The following LARGE1 variants were observed in gnomAD, a reference collection of about 807,000 sequenced individuals.
The protein encoded by LARGE1 is xylosyl- and glucuronyltransferase LARGE1.
Under a neutral mutation model 87.6 loss-of-function variants are expected in LARGE1, and 43 were observed. The observed-to-expected ratio is 0.49, with a 90% CI of 0.38 to 0.63. The LOEUF (loss-of-function observed/expected upper bound fraction) is 0.63, where lower values mean the gene tolerates loss of function less well. Among genes scored for constraint, LARGE1 ranks in the 30% least tolerant of loss-of-function variants. The probability of loss-of-function intolerance (pLI) is 0.00; values close to 1 mark genes in which losing one functional copy is unlikely to be tolerated. For missense variants in LARGE1, 802 were observed against 1,000.2 expected (o/e 0.80, Z 2.67); for synonymous variants, 434 against 394.6 (o/e 1.10, Z -1.18).
intron 11 of LARGE1, among the ~76,000 whole-genome samples, chr22:33,217,262 C>T (rs1357792084): frequency 6.6e-6 from 1 of 150,896 alleles, no homozygotes; most frequent in Non-Finnish European, 1.5e-5. Flanking sequence ...AAATAACGAG[C>T]AGTAGTTCTC....
intron 1 of LARGE1, among the ~76,000 whole-genome samples, chr22:33,807,945 G>A (rs1324621764): frequency 2.0e-5 from 3 of 152,212 alleles, no homozygotes; most frequent in African/African-American, 7.2e-5. Flanking sequence ...TGGCAATCAT[G>A]AATAAAGTTG....
chr22:33,211,254 T>C (rs1924946797), intron 11 of LARGE1, among the ~76,000 whole-genome samples: 1 of 152,140 alleles, frequency 6.6e-6, no homozygotes, highest in Non-Finnish European at 1.5e-5. Context: ...TGAGACACAA[T>C]AGTATTGAAA....
chr22:33,466,893 A>G (rs997184813), intron 6 of LARGE1, among the ~76,000 whole-genome samples: 2 of 152,100 alleles, frequency 1.3e-5, no homozygotes, highest in Non-Finnish European at 2.9e-5. Flanking sequence ...AAAAAAAATT[A>G]GCTGAGCGTG....
At chr22:33,616,122 C>T (rs1486647563) in intron 4 of LARGE1, among the ~76,000 whole-genome samples, 2 of 152,042 alleles carry the variant, frequency 1.3e-5, no homozygotes, top group Admixed American at 6.6e-5. Context: ...AAAAATTAAG[C>T]ATAAAAATAA....
intron 2 of LARGE1, among the ~76,000 whole-genome samples, chr22:33,730,979 A>G (rs239326): frequency 1 from 150,930 of 150,930 alleles, 75,465 homozygotes; most frequent in Non-Finnish European, 1. Context: ...ACAGGCGTGA[A>G]CCACTGCGCC....
intron 2 of LARGE1, among the ~76,000 whole-genome samples, chr22:33,655,169 T>G (rs969054183): frequency 4.6e-5 from 7 of 152,120 alleles, no homozygotes; most frequent in Middle Eastern, 3.4e-3. Flanking sequence ...TTTTGGGTGT[T>G]TTTTTTTAAA....
intron 2 of LARGE1, among the ~76,000 whole-genome samples, chr22:33,727,885 T>C (rs911279296): frequency 6.6e-6 from 1 of 151,984 alleles, no homozygotes; most frequent in Admixed American, 6.6e-5. Context: ...CAGGTGAGAT[T>C]TGAGCAGAGC....
chr22:33,825,963 C>T (rs867476321), intron 1 of LARGE1, among the ~76,000 whole-genome samples: 1 of 152,138 alleles, frequency 6.6e-6, no homozygotes, highest in African/African-American at 2.4e-5. Flanking sequence ...CTGGGGAGGG[C>T]AGTGCTGAAG....
chr22:33,239,095 C>A (rs1156969433), intron 11 of LARGE1, among the ~76,000 whole-genome samples: 1 of 144,064 alleles, frequency 6.9e-6, no homozygotes, highest in Admixed American at 6.8e-5. Context: ...CAAAAATTAA[C>A]CTTATTAGGA....
chr22:33,623,090 A>G (rs2079806383), intron 4 of LARGE1, among the ~76,000 whole-genome samples: 1 of 151,918 alleles, frequency 6.6e-6, no homozygotes, highest in Non-Finnish European at 1.5e-5. Flanking sequence ...GAAATAGCGT[A>G]ATTGAATACC....
At chr22:33,199,342 G>A (rs1839068883) in intron 11 of LARGE1, among the ~76,000 whole-genome samples, 1 of 151,874 alleles carries the variant, frequency 6.6e-6, no homozygotes, top group South Asian at 2.1e-4. Flanking sequence ...ATTTTGCTAT[G>A]CAGAAGATTT....
the LARGE1 span, among the ~76,000 whole-genome samples, chr22:33,097,445 C>T: frequency 6.4e-4 from 97 of 152,214 alleles, no homozygotes; most frequent in Middle Eastern, 3.4e-3. Flanking sequence ...TATAAACAGC[C>T]GTAAGGTGCA....
At chr22:33,294,356 AAAT>A (rs1302955941) in intron 12 of LARGE1, among the ~76,000 whole-genome samples, 11 of 152,324 alleles carry the variant, frequency 7.2e-5, no homozygotes, top group African/African-American at 2.4e-4. Flanking sequence ...CTGCAGCATC[AAAT>A]GTCAGAGAGC....
chr22:33,175,505 C>A (rs1473086561), intron 11 of LARGE1, among the ~76,000 whole-genome samples: 1 of 152,082 alleles, frequency 6.6e-6, no homozygotes, highest in Non-Finnish European at 1.5e-5. Context: ...TTCCTATACA[C>A]CAATAGCAGA....
the LARGE1 span, among the ~76,000 whole-genome samples, chr22:33,098,804 T>A: frequency 2.0e-5 from 3 of 152,118 alleles, no homozygotes; most frequent in African/African-American, 7.2e-5. Context: ...ACACCGCACC[T>A]TCTCCAGGGA....
At chr22:33,487,065 C>A (rs2069620095) in intron 6 of LARGE1, among the ~76,000 whole-genome samples, 1 of 152,146 alleles carries the variant, frequency 6.6e-6, no homozygotes, top group Non-Finnish European at 1.5e-5. Flanking sequence ...ATTCTCTAGC[C>A]CTTTTGGATT....
At chr22:33,644,608 A>C (rs763690688) in intron 3 of LARGE1, among the ~76,000 whole-genome samples, 3 of 152,254 alleles carry the variant, frequency 2.0e-5, no homozygotes, top group Non-Finnish European at 2.9e-5. Flanking sequence ...AACAGGAAGT[A>C]AGGAAGTGAA....
chr22:33,253,672 A>G (rs1174146144), intron 11 of LARGE1, among the ~76,000 whole-genome samples: 1 of 152,216 alleles, frequency 6.6e-6, no homozygotes, highest in East Asian at 1.9e-4. Context: ...AGATTGCACC[A>G]TCGCACTCCA....
the LARGE1 span, among the ~76,000 whole-genome samples, chr22:33,096,862 G>A: frequency 6.6e-6 from 1 of 152,214 alleles, no homozygotes; most frequent in African/African-American, 2.4e-5. Flanking sequence ...ACCGCGCCCG[G>A]CGGATCTGGA....
Sources: gnomAD v4.1 joint callset for allele counts (sites outside exome capture counted in the v4.1 genomes callset) on GRCh38, gnomAD v4.1.1 for gene constraint, MANE v1.5 for transcripts, NCBI Gene and HGNC (gene_info 2026-07-23, HGNC 2026-07-21) for gene names.